The following MAP3K3 variants were observed in gnomAD, a reference collection of about 807,000 sequenced individuals.
MAP3K3 encodes mitogen-activated protein kinase kinase kinase 3.
Under a neutral mutation model 80.9 loss-of-function variants are expected in MAP3K3, and 12 were observed. That is an observed-to-expected ratio of 0.15 (90% confidence interval 0.10 to 0.24). MAP3K3 has a LOEUF of 0.24. Ranked by LOEUF, MAP3K3 falls within the 10% of genes least tolerant of loss-of-function variation. MAP3K3 has a pLI of 1.00. For missense variants in MAP3K3, 596 were observed against 834.7 expected, an observed-to-expected ratio of 0.71 and a Z score of 3.52; for synonymous variants, 272 against 307.1, an observed-to-expected ratio of 0.89 and a Z score of 1.19.
chr17:63,684,674 C>G (rs1349508830), intron 7 of MAP3K3, among the ~76,000 whole-genome samples: 1 of 152,078 alleles, frequency 6.6e-6, no homozygotes, highest in East Asian at 1.9e-4. Context: ...AATATTTAAA[C>G]AGAAACAAGA....
At chr17:63,651,821 A>C (rs1415306325) in intron 3 of MAP3K3, among the ~76,000 whole-genome samples, 1 of 152,192 alleles carries the variant, frequency 6.6e-6, no homozygotes, top group Non-Finnish European at 1.5e-5. Context: ...GCATATCACT[A>C]ACTCAAGGGG....
intron 1 of MAP3K3, among the ~76,000 whole-genome samples, chr17:63,629,418 C>A (rs1218277796): frequency 6.6e-6 from 1 of 152,178 alleles, no homozygotes; most frequent in East Asian, 1.9e-4. Context: ...AGCCTCTGCG[C>A]CCAGCCTGTT....
chr17:63,669,396 CT>C (rs1015673797), intron 6 of MAP3K3, among the ~76,000 whole-genome samples: 1 of 152,070 alleles, frequency 6.6e-6, no homozygotes, highest in Non-Finnish European at 1.5e-5. Context: ...CACTCAGACT[CT>C]TTTGGTAGGC....
intron 3 of MAP3K3, among the ~76,000 whole-genome samples, chr17:63,648,749 A>C (rs937771882): frequency 6.6e-6 from 1 of 152,166 alleles, no homozygotes; most frequent in African/African-American, 2.4e-5. Flanking sequence ...TGGGAGGTGG[A>C]AGTTGCAGTG....
intron 5 of MAP3K3, among the ~76,000 whole-genome samples, chr17:63,664,360 C>T (rs1052221975): frequency 6.6e-6 from 1 of 151,946 alleles, no homozygotes; most frequent in African/African-American, 2.4e-5. Flanking sequence ...TCATGGTCTT[C>T]CATGCAAATA....
intron 2 of MAP3K3, chr17:63,636,867 G>T: frequency 2.6e-6 from 1 of 390,970 alleles, no homozygotes; most frequent in Non-Finnish European, 5.0e-6. Context: ...CCATCCCGCT[G>T]GACATCAAGC....
chr17:63,688,385 C>T, intron 8 of MAP3K3, 142 bp from the exon 9 acceptor site: 1 of 685,258 alleles, frequency 1.5e-6, no homozygotes, highest in South Asian at 1.7e-5. Flanking sequence ...AGGAGCTGGG[C>T]TCAGAAAAGG....
chr17:63,678,274 AT>A (rs2035260469), intron 6 of MAP3K3, among the ~76,000 whole-genome samples: 1 of 152,148 alleles, frequency 6.6e-6, no homozygotes, highest in Non-Finnish European at 1.5e-5. Flanking sequence ...GCCTTGACTG[AT>A]TTTATTGCTC....
intron 1 of MAP3K3, 108 bp downstream of exon 1, chr17:63,622,871 G>T (rs1048202501): frequency 9.0e-6 from 2 of 221,062 alleles, no homozygotes; most frequent in Non-Finnish European, 2.0e-5. Flanking sequence ...TGGACAGCCC[G>T]CCCGGCCCGG....
intron 5 of MAP3K3, among the ~76,000 whole-genome samples, chr17:63,666,434 G>A (rs2035001253): frequency 6.6e-6 from 1 of 152,124 alleles, no homozygotes; most frequent in Admixed American, 6.5e-5. Flanking sequence ...AGGAGTTTGA[G>A]TCCAGCCTGG....
chr17:63,684,658 TA>T (rs1386142405), intron 7 of MAP3K3, among the ~76,000 whole-genome samples: 2 of 152,282 alleles, frequency 1.3e-5, no homozygotes, highest in East Asian at 3.9e-4. Context: ...TAAAATTAAT[TA>T]AAAAAATATT....
Position 63,689,289 on chromosome 17 carries a change from C to T in MAP3K3, c.872-255C>T, listed in dbSNP as rs1380091624. The T allele has an allele frequency of 3.6e-6, 2 of 548,410 alleles. No individual in the cohort carries two copies. Among genetic ancestry groups the T allele is most frequent in the Admixed American group, 3.3e-5 (1 of 30,660 alleles). 34.0% of individuals were successfully genotyped at this position (548,410 alleles called of 1,614,324 possible). On this transcript the variant is annotated intron_variant, in intron 10 of 15. Transcript: ENST00000361733. The surrounding 1 kb of genome is among the most constrained non-coding windows in gnomAD (Gnocchi z 4.3). The stretch of plus-strand genomic sequence containing the variant: ...CCATACACCTTCCCTTTGGCCAGAT[C>T]TCCCTGAACCAGACTACTTCCTAAT...
At chr17:63,685,862 G>A (rs993441801) in intron 8 of MAP3K3, among the ~76,000 whole-genome samples, 2 of 152,164 alleles carry the variant, frequency 1.3e-5, no homozygotes, top group Admixed American at 6.5e-5. Context: ...AATATATGCC[G>A]CTCTCGTACT....
chr17:63,670,348 C>T lies in MAP3K3; in HGVS notation c.502+3288C>T, dbSNP rs528087626. Among the ~76,000 whole-genome samples the T allele has an allele frequency of 1.2e-4, 18 of 151,900 alleles. No homozygotes were observed. The South Asian group carries it at 1.9e-3, about 16-fold the overall frequency. On this transcript the variant is annotated intron_variant, in intron 6 of 15. Transcript: ENST00000361733. ...CTGTAACCCCAGCACTTGGTGAGGC[C>T]GAGGTGAGTGGATTGCTTGAGGCCA...
chr17:63,661,517 G>T (rs1038285633), intron 5 of MAP3K3, among the ~76,000 whole-genome samples: 1 of 152,128 alleles, frequency 6.6e-6, no homozygotes, highest in Admixed American at 6.5e-5. Flanking sequence ...GACCTTCTTA[G>T]GACTTTCTAG....
intron 5 of MAP3K3, among the ~76,000 whole-genome samples, chr17:63,659,659 A>C (rs974351523): frequency 1.3e-5 from 2 of 150,474 alleles, no homozygotes; most frequent in Non-Finnish European, 2.9e-5. Context: ...CAGCCTCCCG[A>C]GAAGCTGGGA....
At chr17:63,645,415 C>T (rs2034522248) in intron 2 of MAP3K3, among the ~76,000 whole-genome samples, 1 of 152,160 alleles carries the variant, frequency 6.6e-6, no homozygotes, top group African/African-American at 2.4e-5. Context: ...CCTACTTTAC[C>T]CCCAGTGGGG....
At chr17:63,682,104 C>T (rs1354566457) in intron 7 of MAP3K3, among the ~76,000 whole-genome samples, 1 of 152,188 alleles carries the variant, frequency 6.6e-6, no homozygotes, top group Non-Finnish European at 1.5e-5. Flanking sequence ...TCTAAAGGAT[C>T]TAAACTACAT....
intron 1 of MAP3K3, among the ~76,000 whole-genome samples, chr17:63,631,039 C>A (rs1433725424): frequency 6.6e-6 from 1 of 152,170 alleles, no homozygotes; most frequent in Non-Finnish European, 1.5e-5. Flanking sequence ...GTAATCCCAG[C>A]ATTTTGGGAG....
Sources: gnomAD v4.1 joint callset for allele counts (sites outside exome capture counted in the v4.1 genomes callset) on GRCh38, gnomAD v4.1.1 for gene constraint, Gnocchi (gnomAD v3.1) non-coding constraint, MANE v1.5 for transcripts, NCBI Gene and HGNC (gene_info 2026-07-23, HGNC 2026-07-21) for gene names.